RBFOX1: variants seen among roughly 807,000 people sequenced by gnomAD.
RBFOX1 encodes the protein RNA binding protein fox-1 homolog 1.
In RBFOX1, 8 loss-of-function variants were observed where a neutral mutation model predicts 57.7. The ratio of observed to expected loss-of-function variants is 0.14; its 90% CI spans 0.08 to 0.25. The LOEUF is 0.25. RBFOX1 is among the 10% of genes least tolerant of loss of function. The pLI, the probability that RBFOX1 is intolerant of heterozygous loss-of-function variation, is 1.00. For synonymous variants in RBFOX1, 326 were observed against 222.4 expected (o/e 1.47, Z -4.15); for missense variants, 611 against 548.5 (o/e 1.11, Z -1.14).
chr16:5,378,127 A>G (rs1432388062), intron 1 of RBFOX1, among the ~76,000 whole-genome samples: 1 of 151,580 alleles, frequency 6.6e-6, no homozygotes, highest in African/African-American at 2.4e-5. Context: ...AAATAAGTAG[A>G]CAGAGATATG....
intron 4 of RBFOX1, among the ~76,000 whole-genome samples, chr16:5,961,482 A>C (rs568824042): frequency 1.6e-4 from 22 of 139,450 alleles, no homozygotes; most frequent in East Asian, 7.2e-4. Context: ...TTTGTTTAAA[A>C]AAAACAAAAC....
Position 6,403,509 on chromosome 16 carries a change from G to A in RBFOX1, c.-64+86452G>A, listed in dbSNP as rs532763997. Among the ~76,000 whole-genome samples the A allele has an allele frequency of 1.7e-4, 26 of 152,062 alleles. 2 individuals carry two copies. The South Asian group carries it at 5.2e-3, about 30-fold the overall frequency. ...CTCCCCAGTAGCTGGGACTACAGGC[G>A]AGTGCCACTACAGTTGCCTAATTTT... On this transcript the variant is annotated intron_variant, in intron 2 of 15. Coordinates refer to ENST00000550418, the MANE Select transcript of RBFOX1 (RefSeq NM_018723.4).
intron 1 of RBFOX1, among the ~76,000 whole-genome samples, chr16:6,274,907 A>C (rs912131241): frequency 1.2e-4 from 18 of 152,218 alleles, no homozygotes; most frequent in East Asian, 7.7e-4. Flanking sequence ...AATGATGAGA[A>C]GGAACCAGTT....
At chr16:6,968,173 G>A (rs946463740) in intron 3 of RBFOX1, among the ~76,000 whole-genome samples, 1 of 152,140 alleles carries the variant, frequency 6.6e-6, no homozygotes, top group African/African-American at 2.4e-5. Flanking sequence ...CCCCCTCTCC[G>A]TGGGTGTCCT....
intron 1 of RBFOX1, among the ~76,000 whole-genome samples, chr16:5,412,519 G>T (rs2067048452): frequency 6.6e-6 from 1 of 152,144 alleles, no homozygotes; most frequent in South Asian, 2.1e-4. Context: ...GTTCCACAAA[G>T]CACACAGGTA....
chr16:5,891,973 G>C (rs1358773840), intron 4 of RBFOX1, among the ~76,000 whole-genome samples: 1 of 152,188 alleles, frequency 6.6e-6, no homozygotes, highest in East Asian at 1.9e-4. Flanking sequence ...CTCACTTACT[G>C]CCCTCTCTGT....
At chr16:6,108,939 C>T (rs1384561644) in intron 1 of RBFOX1, among the ~76,000 whole-genome samples, 1 of 152,184 alleles carries the variant, frequency 6.6e-6, no homozygotes, top group Non-Finnish European at 1.5e-5. Flanking sequence ...ATCTGAAGAT[C>T]ATTAATTGAA....
At chr16:5,448,402 G>C (rs982653459) in intron 1 of RBFOX1, among the ~76,000 whole-genome samples, 4 of 152,172 alleles carry the variant, frequency 2.6e-5, no homozygotes, top group African/African-American at 9.7e-5. Context: ...CCACAAAATA[G>C]GGCTGTTCAT....
chr16:6,600,256 G>A (rs574925357), intron 2 of RBFOX1, among the ~76,000 whole-genome samples: 3 of 151,912 alleles, frequency 2.0e-5, no homozygotes, highest in South Asian at 4.2e-4. Context: ...CAGAATCTCG[G>A]GGCTTTTGTT....
chr16:6,212,203 G>A lies in RBFOX1; in HGVS notation c.-126-104792G>A, dbSNP rs866458654. Among the ~76,000 whole-genome samples, 44 of 151,460 alleles carry A rather than the reference G, an allele frequency of 2.9e-4. 1 individual carries two copies. The highest frequency in any genetic ancestry group is 9.7e-5 in the African/African-American group (4 of 41,230). On this transcript the variant is annotated intron_variant, in intron 1 of 15. Transcript: ENST00000550418. ...ACAAAAATCTTTATATGGTATTGAC[G>A]TTGAAAAATACCTAATATACATTGT...
chr16:5,849,937 T>C (rs183738316), intron 3 of RBFOX1, among the ~76,000 whole-genome samples: 30 of 152,348 alleles, frequency 2.0e-4, no homozygotes, highest in African/African-American at 7.2e-4. Flanking sequence ...GGGAATGTTA[T>C]ATTTCGGATT....
At chr16:6,208,823 T>C (rs2097272802) in intron 1 of RBFOX1, among the ~76,000 whole-genome samples, 1 of 152,188 alleles carries the variant, frequency 6.6e-6, no homozygotes, top group Non-Finnish European at 1.5e-5. Flanking sequence ...TAGTGGCTTC[T>C]GTCTTCGCAT....
chr16:7,196,728 G>A (rs1367589961), intron 4 of RBFOX1, among the ~76,000 whole-genome samples: 1 of 152,180 alleles, frequency 6.6e-6, no homozygotes, highest in African/African-American at 2.4e-5. Context: ...ATGCTGCAAA[G>A]TGAGTTTTTG....
chr16:5,397,227 T>C (rs1219089168), intron 1 of RBFOX1, among the ~76,000 whole-genome samples: 7 of 152,220 alleles, frequency 4.6e-5, no homozygotes, highest in Admixed American at 1.3e-4. Flanking sequence ...GCTGAAAGGC[T>C]TCTCTAAAGG....
At chr16:6,413,317 C>G (rs1374657390) in intron 2 of RBFOX1, among the ~76,000 whole-genome samples, 1 of 71,334 alleles carries the variant, frequency 1.4e-5, no homozygotes, top group African/African-American at 8.9e-5. Context: ...GAAACTACAT[C>G]TCAAAAAAAA....
intron 4 of RBFOX1, among the ~76,000 whole-genome samples, chr16:7,314,568 A>G (rs1445859160): frequency 1.3e-5 from 2 of 152,190 alleles, no homozygotes; most frequent in African/African-American, 4.8e-5. Flanking sequence ...TAGGTGTTTC[A>G]GGGCTGATTG....
rs182716499 is a variant in RBFOX1 at position 5,844,440 on chromosome 16, G to C, written c.319-22863G>C. Among the ~76,000 whole-genome samples, 542 of 152,326 alleles carry C rather than the reference G, an allele frequency of 3.6e-3. 6 individuals carry two copies. Among genetic ancestry groups the C allele is most frequent in the Middle Eastern group, 0.027 (8 of 294 alleles). ...AATTGGCATTACATTATTGATAAAT[G>C]TGTTTGGCCACGTGAGAGCAATAGC... On this transcript the variant is annotated intron_variant, in intron 3 of 19. Coordinates refer to the RBFOX1 transcript ENST00000641259.
intron 4 of RBFOX1, among the ~76,000 whole-genome samples, chr16:7,313,145 A>T (rs539668542): frequency 6.6e-6 from 1 of 152,178 alleles, no homozygotes; most frequent in Non-Finnish European, 1.5e-5. Flanking sequence ...TGGAAACACA[A>T]AAGCGCCTCC....
chr16:7,181,160 G>C (rs768975982), intron 4 of RBFOX1, among the ~76,000 whole-genome samples: 8 of 152,128 alleles, frequency 5.3e-5, no homozygotes, highest in African/African-American at 1.9e-4. Context: ...CCAGGTGGAC[G>C]GCCTTGTGGT....
Sources: allele counts gnomAD v4.1 joint callset (sites outside exome capture counted in the v4.1 genomes callset), GRCh38; gene constraint gnomAD v4.1.1; transcripts MANE v1.5; gene names NCBI Gene and HGNC (gene_info 2026-07-23, HGNC 2026-07-21).